The following MPO variants were observed in gnomAD, a reference collection of about 807,000 sequenced individuals.
MPO encodes the protein myeloperoxidase.
Under a neutral mutation model 69.4 loss-of-function variants are expected in MPO, and 57 were observed. The ratio of observed to expected loss-of-function variants is 0.82; its 90% CI spans 0.66 to 1.02. MPO has a LOEUF of 1.02. MPO is among the 50% of genes least tolerant of loss of function. MPO has a pLI of 0.00. For missense variants in MPO, 971 were observed against 1,014.1 expected, an observed-to-expected ratio of 0.96 and a Z score of 0.58; for synonymous variants, 426 against 417.1, an observed-to-expected ratio of 1.02 and a Z score of -0.26.
At position 58,277,964 on chromosome 17, in the gene MPO, A is replaced by T; in HGVS notation, c.1067T>A (p.Met356Lys). 6.2e-7 allele frequency: 1 copy of T among 1,613,708 alleles called. No individual in the cohort carries two copies. The highest frequency in any genetic ancestry group is 8.5e-7 in the Non-Finnish European group (1 of 1,180,034). ...GGCCAGCAGCCCCAGCTGGTTGGAC[A>T]TGTTGCGCAGGTTCCTGGCCAGGGG... ...EEPLARNLRNMSNQLGLLAVN... is the reference protein window; with the variant it reads ...EEPLARNLRNKSNQLGLLAVN... The change falls in exon 7 of 12, where the codon ATG becomes AAG. Residue 356 changes from methionine to lysine, a missense_variant. Coordinates refer to ENST00000225275, the MANE Select transcript of MPO (RefSeq NM_000250.2).
Position 58,275,836 on chromosome 17 carries a change from T to C in MPO, c.1205-134A>G, listed in dbSNP as rs34108145. On this transcript the variant is annotated intron_variant, in intron 7 of 11. Transcript: ENST00000225275. The surrounding 1 kb of genome is among the most constrained non-coding windows in gnomAD (Gnocchi z 4.1). ...CTCCTCCCCATCCATCTTTTCAAAC[T>C]ATCCCCAATTTACACTCCTCTAGGA... 319 of 1,099,350 alleles carry C rather than the reference T, an allele frequency of 2.9e-4. 1 individual carries two copies. In the African/African-American group the frequency reaches 4.5e-3, roughly 15 times the overall value. 68.1% of individuals were successfully genotyped at this position (1,099,350 alleles called of 1,614,324 possible).
chr17:58,279,700 G>C, intron 3 of MPO, 54 bp from the exon 4 acceptor site: 1 of 1,613,720 alleles, frequency 6.2e-7, no homozygotes, highest in Non-Finnish European at 8.5e-7. Context: ...CCTATCCCAG[G>C]CAACCTGAGG....
Position 58,275,594 on chromosome 17 carries a change from T to A in MPO, c.1313A>T (p.Asp438Val), listed in dbSNP as rs751922611. The A allele has an allele frequency of 8.7e-6, 14 of 1,613,972 alleles. 1 individual carries two copies. In the South Asian group the frequency reaches 1.4e-4, roughly 16 times the overall value. ...GGCTTCCTGGTAGAGCCTCTCCCCA[T>A]CCCACCTAGGGTTCAGGCTCTTGAG... ...TELKSLNPRW[D>V]GERLYQEARK... Residue 438 changes from aspartate (D) to valine (V), a missense_variant, in exon 8 of 12, where the codon GAT (aspartate) becomes GTT (valine). By Grantham distance (152) the Asp-to-Val change is radical. Transcript: ENST00000225275. The surrounding 1 kb of genome is among the most constrained non-coding windows in gnomAD (Gnocchi z 4.1).
rs780416471 is a variant in MPO at position 58,277,992 on chromosome 17, C to T, written c.1039G>A (p.Glu347Lys). 1.2e-6 allele frequency: 2 copies of T among 1,613,944 alleles called. No individual in the cohort carries two copies. Among genetic ancestry groups the T allele is most frequent in the Admixed American group, 1.7e-5 (1 of 60,034 alleles). The change falls in exon 7 of 12, where the codon GAG becomes AAG. Residue 347 changes from glutamate to lysine, a missense_variant. Glu to Lys is a moderately conservative substitution (Grantham distance 56). Coordinates refer to ENST00000225275, the MANE Select transcript of MPO (RefSeq NM_000250.2). ...VDASMVYGSE[E>K]PLARNLRNMS... The stretch of plus-strand genomic sequence containing the variant: ...TTGCGCAGGTTCCTGGCCAGGGGCT[C>T]CTCGCTGCCGTACACCATGCTGGCG...
Position 58,280,701 on chromosome 17 carries a change from C to T in MPO, c.58G>A (p.Ala20Thr). 1 of 1,614,232 alleles carries T rather than the reference C, an allele frequency of 6.2e-7. No homozygotes were observed. Among genetic ancestry groups the T allele is most frequent in the Non-Finnish European group, 8.5e-7 (1 of 1,180,040 alleles). The change falls in exon 1 of 12, where the codon GCT becomes ACT. Residue 20 changes from alanine (A) to threonine (T), a missense_variant. Transcript: ENST00000225275. ...TTCATCTCTGCAGTGAGACCCCCAG[C>T]CCAGCAAGGTCCTAAGTCCACCATG... The part of the protein sequence containing the change: ...RCMVDLGPCW[A>T]GGLTAEMKLL...
At chr17:58,271,229 G>A (rs956664157) in intron 11 of MPO, among the ~76,000 whole-genome samples, 1 of 152,140 alleles carries the variant, frequency 6.6e-6, no homozygotes, top group African/African-American at 2.4e-5. Flanking sequence ...CCCACCCAGA[G>A]AGGGGCACCT....
chr17:58,276,018 C>T (rs139054139), intron 7 of MPO, among the ~76,000 whole-genome samples: 2 of 152,180 alleles, frequency 1.3e-5, no homozygotes, highest in African/African-American at 2.4e-5. Flanking sequence ...AGGACCAAGG[C>T]TTGTGCCTTT....
chr17:58,280,682 T>A lies in MPO; in HGVS notation c.77A>T (p.Glu26Val). 6.2e-7 allele frequency: 1 copy of A among 1,614,208 alleles called. No homozygotes were observed. The highest frequency in any genetic ancestry group is 8.5e-7 in the Non-Finnish European group (1 of 1,180,026). The change falls in exon 1 of 12, where the codon GAG becomes GTG. Residue 26 changes from glutamate to valine, a missense_variant. Transcript: ENST00000225275. ...GPCWAGGLTA[E>V]MKLLLALAGL... ...TGCTAGGGCCAGAAGCAGCTTCATC[T>A]CTGCAGTGAGACCCCCAGCCCAGCA...
rs765071659 is a variant in MPO, at chr17:58,273,492, G to A, written c.1543C>T (p.Arg515Trp). The change falls in exon 9 of 12, where the codon CGG (arginine) becomes TGG (tryptophan). Residue 515 changes from arginine to tryptophan, a missense_variant. Coordinates refer to ENST00000225275, the MANE Select transcript of MPO (RefSeq NM_000250.2). ...IQPFMFRLDN[R>W]YQPMEPNPRV... ...GGGTTGGGTTCCATGGGCTGGTACC[G>A]ATTGTCCAGGCGGAACATGAAGGGT... is the stretch of plus-strand genomic sequence containing the variant. The A allele has an allele frequency of 2.0e-5, 33 of 1,614,092 alleles. No individual in the cohort carries two copies. The highest frequency in any genetic ancestry group is 6.7e-5 in the East Asian group (3 of 44,892).
intron 1 of MPO, 57 bp from the exon 2 acceptor site, chr17:58,280,516 C>A: frequency 6.2e-7 from 1 of 1,613,550 alleles, no homozygotes; most frequent in South Asian, 1.1e-5. Flanking sequence ...TATCAGGCCC[C>A]AGAGCTAGGA....
At chr17:58,274,560 C>T (rs1970411963) in intron 8 of MPO, among the ~76,000 whole-genome samples, 1 of 152,072 alleles carries the variant, frequency 6.6e-6, no homozygotes, top group Non-Finnish European at 1.5e-5. Context: ...TGACTCGTGC[C>T]TGTAATCCCA....
In MPO at chr17:58,275,844, A is replaced by G. The variant is rs1027538759; in HGVS notation, c.1205-142T>C. ...CATCCATCTTTTCAAACTATCCCCA[A>G]TTTACACTCCTCTAGGAGGCCTTCC... On this transcript the variant is annotated intron_variant, in intron 7 of 11. Transcript: ENST00000225275. The surrounding 1 kb of genome is among the most constrained non-coding windows in gnomAD (Gnocchi z 4.1). The G allele has an allele frequency of 1.9e-6, 2 of 1,027,906 alleles. No homozygotes were observed. The highest frequency in any genetic ancestry group is 2.2e-4 in the Middle Eastern group (1 of 4,578). The allele number at this position is 1,027,906 out of a possible 1,614,324, so 63.7% of individuals were successfully genotyped here.
chr17:58,274,029 A>G (rs552388674), intron 8 of MPO, among the ~76,000 whole-genome samples: 1 of 152,346 alleles, frequency 6.6e-6, no homozygotes, highest in South Asian at 2.1e-4. Flanking sequence ...TCAAGTTATT[A>G]ATGTCTCATT....
At chr17:58,276,043 C>T (rs182736916) in intron 7 of MPO, among the ~76,000 whole-genome samples, 1 of 152,182 alleles carries the variant, frequency 6.6e-6, no homozygotes, top group Admixed American at 6.5e-5. Flanking sequence ...ATTTTACCCT[C>T]CCTCCTAGCA....
At chr17:58,274,929 A>G (rs1970417016) in intron 8 of MPO, among the ~76,000 whole-genome samples, 1 of 152,040 alleles carries the variant, frequency 6.6e-6, no homozygotes, top group Admixed American at 6.5e-5. Context: ...CAGCAGCGCC[A>G]TCTCAGCTCA....
intron 1 of MPO, 48 bp from the exon 2 acceptor site, chr17:58,280,507 A>G: frequency 1.2e-6 from 2 of 1,613,122 alleles, no homozygotes; most frequent in Non-Finnish European, 1.7e-6. Context: ...CCAACCCCCT[A>G]TCAGGCCCCA....
At chr17:58,272,604 G>T in intron 10 of MPO, 144 bp downstream of exon 10, 2 of 891,886 alleles carry the variant, frequency 2.2e-6, no homozygotes, top group Non-Finnish European at 3.3e-6. Context: ...CAGGGGCCTG[G>T]CCTCAGGCTA....
At position 58,280,019 on chromosome 17, in the gene MPO, T is replaced by C; in HGVS notation, c.249-5A>G. 6.2e-7 allele frequency: 1 copy of C among 1,612,488 alleles called. No homozygotes were observed. Among genetic ancestry groups the C allele is most frequent in the South Asian group, 1.1e-5 (1 of 91,044 alleles). On this transcript the variant is annotated splice_polypyrimidine_tract_variant and splice_region_variant and intron_variant, in intron 2 of 11. Coordinates refer to ENST00000225275, the MANE Select transcript of MPO (RefSeq NM_000250.2). ...CTGCGAAGCCGCTGCTTGATGCTGC[T>C]TGGAGAAAGGAGGAGTGAGGGCCAG...
At chr17:58,271,931 C>G in intron 10 of MPO, 39 bp from the exon 11 acceptor site, 1 of 1,604,340 alleles carries the variant, frequency 6.2e-7, no homozygotes, top group Non-Finnish European at 8.5e-7. Flanking sequence ...GGGCAGGTCT[C>G]TCTGCTTCAA....
Sources: gnomAD v4.1 joint callset for allele counts (sites outside exome capture counted in the v4.1 genomes callset) on GRCh38, gnomAD v4.1.1 for gene constraint, Gnocchi (gnomAD v3.1) non-coding constraint, MANE v1.5 for transcripts, NCBI Gene and HGNC (gene_info 2026-07-23, HGNC 2026-07-21) for gene names.